SND1: variants seen among roughly 807,000 people sequenced by gnomAD.
The protein encoded by SND1 is staphylococcal nuclease and tudor domain containing 1.
Under a neutral mutation model 121.7 loss-of-function variants are expected in SND1, and 38 were observed. That is an observed-to-expected ratio of 0.31 (90% confidence interval 0.24 to 0.41). The LOEUF (loss-of-function observed/expected upper bound fraction) is 0.41, where lower values mean the gene tolerates loss of function less well. Among genes scored for constraint, SND1 ranks in the 10% least tolerant of loss-of-function variants. The probability of loss-of-function intolerance (pLI) is 1.00; values close to 1 mark genes in which losing one functional copy is unlikely to be tolerated. For missense variants in SND1, 868 were observed against 1,184.6 expected, an observed-to-expected ratio of 0.73 and a Z score of 3.92; for synonymous variants, 401 against 447.4, an observed-to-expected ratio of 0.90 and a Z score of 1.31.
chr7:127,924,352 A>C lies in SND1; in HGVS notation c.1528-4836A>C, dbSNP rs1318307745. On this transcript the variant is annotated intron_variant, in intron 14 of 23. Coordinates refer to ENST00000354725, the MANE Select transcript of SND1 (RefSeq NM_014390.4). ...CTAATTCGTGATCTTCATTATTAAC[A>C]ATTTCCATTTGAGTCTTGCATATGA... Among the ~76,000 whole-genome samples, 4 of 152,204 alleles carry C rather than the reference A, an allele frequency of 2.6e-5. No homozygotes were observed. In the East Asian group the frequency reaches 7.7e-4, roughly 29 times the overall value.
chr7:127,816,501 G>GA (rs1166461051), intron 11 of SND1, among the ~76,000 whole-genome samples: 1 of 152,104 alleles, frequency 6.6e-6, no homozygotes, highest in Middle Eastern at 3.2e-3. Context: ...GGGCTGGGCT[G>GA]AAGAGCAAGT....
At chr7:127,986,711 A>G (rs1220833586) in intron 15 of SND1, among the ~76,000 whole-genome samples, 1 of 152,238 alleles carries the variant, frequency 6.6e-6, no homozygotes, top group African/African-American at 2.4e-5. Flanking sequence ...ATGGACCTGT[A>G]GAGTTTGAAA....
intron 12 of SND1, among the ~76,000 whole-genome samples, chr7:127,849,924 C>A (rs1472140639): frequency 6.6e-6 from 1 of 152,172 alleles, no homozygotes; most frequent in Non-Finnish European, 1.5e-5. Flanking sequence ...TTAGATAATT[C>A]TTTCCCATGC....
intron 12 of SND1, among the ~76,000 whole-genome samples, chr7:127,845,619 C>T (rs1323280898): frequency 6.6e-6 from 1 of 152,186 alleles, no homozygotes; most frequent in Non-Finnish European, 1.5e-5. Flanking sequence ...GTATGCTTCC[C>T]TGTTGTAGAG....
chr7:127,656,758 G>A (rs1036128834), intron 1 of SND1, among the ~76,000 whole-genome samples: 3 of 152,182 alleles, frequency 2.0e-5, no homozygotes, highest in African/African-American at 7.2e-5. Flanking sequence ...GAAGTATTGG[G>A]GGTGGGTTCC....
At chr7:128,034,965 G>A (rs1276121142) in intron 16 of SND1, among the ~76,000 whole-genome samples, 2 of 152,218 alleles carry the variant, frequency 1.3e-5, no homozygotes, top group African/African-American at 4.8e-5. Flanking sequence ...GAATAAGAAG[G>A]AAAGAAGGCT....
intron 20 of SND1, 67 bp from the exon 21 acceptor site, chr7:128,086,871 A>G (rs549281620): frequency 1.0e-5 from 13 of 1,268,914 alleles, no homozygotes; most frequent in Non-Finnish European, 1.4e-5. Context: ...GGCCACAGAG[A>G]GCTGTCCTGT....
chr7:127,665,418 A>G (rs1795398738), intron 1 of SND1, among the ~76,000 whole-genome samples: 1 of 151,980 alleles, frequency 6.6e-6, no homozygotes, highest in Admixed American at 6.6e-5. Context: ...CAATCTCCTG[A>G]CCTCGTGATC....
At chr7:127,901,921 C>T (rs965477689) in intron 13 of SND1, among the ~76,000 whole-genome samples, 2 of 152,206 alleles carry the variant, frequency 1.3e-5, no homozygotes, top group East Asian at 3.9e-4. Context: ...AATACTAAGA[C>T]CATTTTAAAG....
At chr7:127,810,026 T>A (rs1798304832) in intron 11 of SND1, among the ~76,000 whole-genome samples, 1 of 152,228 alleles carries the variant, frequency 6.6e-6, no homozygotes, top group Non-Finnish European at 1.5e-5. Context: ...TTTGTCCAGA[T>A]GCCAGTAAAG....
At chr7:127,717,827 A>G (rs899290989) in intron 9 of SND1, among the ~76,000 whole-genome samples, 2 of 152,166 alleles carry the variant, frequency 1.3e-5, no homozygotes, top group Non-Finnish European at 2.9e-5. Flanking sequence ...GTTGAACAAA[A>G]AGGAAGCTTT....
chr7:127,992,663 C>CAG (rs1802547467), intron 16 of SND1, among the ~76,000 whole-genome samples: 1 of 152,222 alleles, frequency 6.6e-6, no homozygotes, highest in Non-Finnish European at 1.5e-5. Flanking sequence ...TGTCTTCCTA[C>CAG]TGTTTCACAT....
intron 12 of SND1, among the ~76,000 whole-genome samples, chr7:127,865,490 T>G (rs2116690380): frequency 6.6e-6 from 1 of 152,360 alleles, no homozygotes; most frequent in East Asian, 1.9e-4. Flanking sequence ...GTGCCATACC[T>G]TATCTTTGGT....
At chr7:127,826,690 G>A (rs549276354) in intron 11 of SND1, among the ~76,000 whole-genome samples, 2 of 152,120 alleles carry the variant, frequency 1.3e-5, no homozygotes, top group African/African-American at 4.8e-5. Flanking sequence ...ATTTAGCCTA[G>A]GTACTAATGA....
intron 16 of SND1, among the ~76,000 whole-genome samples, chr7:128,010,646 AG>A (rs1803094238): frequency 6.6e-6 from 1 of 152,280 alleles, no homozygotes; most frequent in South Asian, 2.1e-4. Flanking sequence ...TGTGAACCTC[AG>A]GGAAGTCAAG....
intron 10 of SND1, among the ~76,000 whole-genome samples, chr7:127,785,345 T>C (rs1410749409): frequency 4.6e-5 from 7 of 152,182 alleles, no homozygotes; most frequent in African/African-American, 1.7e-4. Context: ...TGCTTGAGTT[T>C]TGTGGGATGA....
chr7:127,740,813 G>A (rs1444336144), intron 10 of SND1, among the ~76,000 whole-genome samples: 2 of 152,210 alleles, frequency 1.3e-5, no homozygotes, highest in East Asian at 3.8e-4. Flanking sequence ...GAAATCTGGT[G>A]AGATTGATTC....
At chr7:127,992,951 T>C (rs144424192) in intron 16 of SND1, among the ~76,000 whole-genome samples, 5 of 152,358 alleles carry the variant, frequency 3.3e-5, no homozygotes, top group African/African-American at 7.2e-5. Flanking sequence ...TGGTATGTAA[T>C]TGAGTTTGCA....
At chr7:127,699,372 G>A (rs923345632) in intron 4 of SND1, among the ~76,000 whole-genome samples, 3 of 152,198 alleles carry the variant, frequency 2.0e-5, no homozygotes, top group African/African-American at 7.2e-5. Context: ...CAGTAAACAA[G>A]TAGATATACA....
Sources: allele counts gnomAD v4.1 joint callset (sites outside exome capture counted in the v4.1 genomes callset), GRCh38; gene constraint gnomAD v4.1.1; transcripts MANE v1.5; gene names NCBI Gene and HGNC (gene_info 2026-07-23, HGNC 2026-07-21).